The following OR1J2 variants were observed in gnomAD, a reference collection of about 807,000 sequenced individuals.
The protein encoded by OR1J2 is olfactory receptor 1J2.
For missense variants in OR1J2, 304 were observed against 246.1 expected (o/e 1.24, Z -1.57); for synonymous variants, 142 against 99.7 (o/e 1.42, Z -2.52).
the OR1J2 span, among the ~76,000 whole-genome samples, chr9:122,540,449 G>A: frequency 1.3e-3 from 192 of 152,096 alleles, 3 homozygotes; most frequent in South Asian, 0.023. Context: ...TATTTCTGAG[G>A]GCTCTGTTCT....
At chr9:122,561,568 T>G in the OR1J2 span, among the ~76,000 whole-genome samples, 1 of 152,220 alleles carries the variant, frequency 6.6e-6, no homozygotes, top group Non-Finnish European at 1.5e-5. Context: ...CTGTTTGTTT[T>G]TCTTTCAGTG....
At chr9:122,512,892 G>T (rs112379613), downstream of OR1J2, among the ~76,000 whole-genome samples, 196 of 152,224 alleles carry the variant, frequency 1.3e-3, no homozygotes, top group African/African-American at 4.4e-3. Context: ...GTTCACGTGA[G>T]CTATAATAAC....
chr9:122,512,277 T>C (rs1278061600), downstream of OR1J2, among the ~76,000 whole-genome samples: 4 of 152,212 alleles, frequency 2.6e-5, no homozygotes, highest in African/African-American at 4.8e-5. Flanking sequence ...TCATGAAGGA[T>C]AGTCCTGTCT....
At chr9:122,488,848 A>C in the OR1J2 span, among the ~76,000 whole-genome samples, 1 of 138,204 alleles carries the variant, frequency 7.2e-6, no homozygotes, top group Non-Finnish European at 1.5e-5. Flanking sequence ...AGAAAACACA[A>C]GTTTCTTTTT....
chr9:122,521,221 C>A, the OR1J2 span, among the ~76,000 whole-genome samples: 7 of 152,210 alleles, frequency 4.6e-5, no homozygotes, highest in African/African-American at 1.2e-4. Context: ...ATTTTCTCTA[C>A]CTTCTCCATC....
chr9:122,553,132 C>T, the OR1J2 span: 11 of 1,438,938 alleles, frequency 7.6e-6, no homozygotes, highest in African/African-American at 1.4e-4. Context: ...CACACAGATG[C>T]ATATCTGTAA....
chr9:122,504,115 C>T, the OR1J2 span, among the ~76,000 whole-genome samples: 1 of 152,286 alleles, frequency 6.6e-6, no homozygotes, highest in African/African-American at 2.4e-5. Context: ...CTACTAAGGC[C>T]CCATGCCAAA....
chr9:122,558,532 A>G, the OR1J2 span, among the ~76,000 whole-genome samples: 1 of 150,684 alleles, frequency 6.6e-6, no homozygotes, highest in Non-Finnish European at 1.5e-5. Flanking sequence ...TGCAGTTAGA[A>G]CTTTTCTAAG....
At chr9:122,453,991 A>G in the OR1J2 span, among the ~76,000 whole-genome samples, 1 of 152,214 alleles carries the variant, frequency 6.6e-6, no homozygotes, top group African/African-American at 2.4e-5. Flanking sequence ...AAATGTGACT[A>G]AAACAGTAAT....
chr9:122,520,740 C>T, the OR1J2 span, among the ~76,000 whole-genome samples: 18 of 152,194 alleles, frequency 1.2e-4, no homozygotes, highest in Non-Finnish European at 2.5e-4. Flanking sequence ...CAGTCAGGAG[C>T]CTTCTGTTGC....
the OR1J2 span, among the ~76,000 whole-genome samples, chr9:122,552,550 A>G: frequency 1.3e-5 from 2 of 151,718 alleles, no homozygotes; most frequent in Non-Finnish European, 2.9e-5. Context: ...TGTGTGTGGG[A>G]GGGAACATCC....
chr9:122,573,969 C>G, the OR1J2 span, among the ~76,000 whole-genome samples: 3 of 152,130 alleles, frequency 2.0e-5, no homozygotes, highest in African/African-American at 7.2e-5. Flanking sequence ...GATAATTTAG[C>G]ACTATTTGTT....
At chr9:122,542,566 A>G in the OR1J2 span, among the ~76,000 whole-genome samples, 1 of 152,214 alleles carries the variant, frequency 6.6e-6, no homozygotes, top group African/African-American at 2.4e-5. Context: ...ATTTTACAGT[A>G]AACATTCCTA....
chr9:122,484,271 C>T, the OR1J2 span, among the ~76,000 whole-genome samples: 1 of 152,058 alleles, frequency 6.6e-6, no homozygotes, highest in South Asian at 2.1e-4. Flanking sequence ...AAGAGATTCT[C>T]CTGCCTCAGC....
the OR1J2 span, among the ~76,000 whole-genome samples, chr9:122,578,146 G>A: frequency 0.021 from 3,180 of 152,226 alleles, 63 homozygotes; most frequent in African/African-American, 0.053. Flanking sequence ...TATCCACTCA[G>A]AGGAAAAGAA....
At chr9:122,573,615 A>G in the OR1J2 span, among the ~76,000 whole-genome samples, 4 of 152,130 alleles carry the variant, frequency 2.6e-5, no homozygotes, top group Non-Finnish European at 1.5e-5. Context: ...GTTGAGTTTT[A>G]AGAGTTATTT....
chr9:122,515,545 T>A (rs1191492548), downstream of OR1J2, among the ~76,000 whole-genome samples: 1 of 152,034 alleles, frequency 6.6e-6, no homozygotes, highest in African/African-American at 2.4e-5. Context: ...GCTGGTTACA[T>A]AAATTGGTGG....
chr9:122,509,168 C>G (rs1828587141), upstream of OR1J2, among the ~76,000 whole-genome samples: 1 of 152,162 alleles, frequency 6.6e-6, no homozygotes, highest in African/African-American at 2.4e-5. Flanking sequence ...TTAATCCCAC[C>G]TTGGAATGCA....
the OR1J2 span, chr9:122,554,089 A>C: frequency 1.9e-6 from 3 of 1,613,566 alleles, no homozygotes; most frequent in South Asian, 3.3e-5. Context: ...CCATTCATTT[A>C]TAGCTTGAGG....
Sources: gnomAD v4.1 joint callset for allele counts (sites outside exome capture counted in the v4.1 genomes callset) on GRCh38, gnomAD v4.1.1 for gene constraint, MANE v1.5 for transcripts, NCBI Gene and HGNC (gene_info 2026-07-23, HGNC 2026-07-21) for gene names.